USP37: variants seen among roughly 807,000 people sequenced by gnomAD.
USP37 encodes the protein ubiquitin carboxyl-terminal hydrolase 37.
A neutral mutation model predicts 124.0 loss-of-function variants in USP37; 27 were observed. The ratio of observed to expected loss-of-function variants is 0.22; its 90% CI spans 0.16 to 0.30. The LOEUF is 0.30. USP37 is among the 10% of genes least tolerant of loss of function. The pLI is 1.00. For synonymous variants in USP37, 365 were observed against 388.0 expected (o/e 0.94, Z 0.70); for missense variants, 889 against 1,140.4 (o/e 0.78, Z 3.17).
At chr2:218,461,762 T>G (rs1048684720) in intron 22 of USP37, among the ~76,000 whole-genome samples, 1 of 152,068 alleles carries the variant, frequency 6.6e-6, no homozygotes, top group Middle Eastern at 3.4e-3. Flanking sequence ...TCCTAGGACT[T>G]TGGGAGGCCG....
intron 8 of USP37, among the ~76,000 whole-genome samples, chr2:218,537,202 G>A (rs1346881321): frequency 1.3e-5 from 2 of 152,138 alleles, no homozygotes; most frequent in Non-Finnish European, 2.9e-5. Context: ...AATAAATTCA[G>A]TCTATTTCTT....
At chr2:218,504,944 T>C (rs1392667379) in intron 11 of USP37, among the ~76,000 whole-genome samples, 1 of 152,180 alleles carries the variant, frequency 6.6e-6, no homozygotes, top group Non-Finnish European at 1.5e-5. Flanking sequence ...AACAGTCAAC[T>C]ACATTATTCT....
At chr2:218,500,421 G>A (rs763131376) in intron 11 of USP37, among the ~76,000 whole-genome samples, 30 of 152,000 alleles carry the variant, frequency 2.0e-4, no homozygotes, top group Non-Finnish European at 1.5e-4. Context: ...CACCAGGCCT[G>A]GCTAATTTTT....
At chr2:218,547,251 C>T (rs1692384603) in intron 6 of USP37, among the ~76,000 whole-genome samples, 160 bp from the exon 7 acceptor site, 1 of 152,138 alleles carries the variant, frequency 6.6e-6, no homozygotes, top group Non-Finnish European at 1.5e-5. Flanking sequence ...ATCACTTGAG[C>T]TCAATAGTTT....
Position 218,499,853 on chromosome 2 carries a change from C to A in USP37, c.1026-1696G>T, listed in dbSNP as rs545866340. Among the ~76,000 whole-genome samples the A allele has an allele frequency of 7.2e-5, 11 of 152,178 alleles. No homozygotes were observed. The East Asian group carries it at 1.9e-3, about 27-fold the overall frequency. ...CTGGAGTGCAGTGGTGTGATGACAA[C>A]GTACTGCAGCCTCAACCTCCCGGGC... On this transcript the variant is annotated intron_variant, in intron 11 of 25. Transcript: ENST00000258399.
At chr2:218,566,316 G>T (rs1030949563) in intron 1 of USP37, among the ~76,000 whole-genome samples, 1 of 152,200 alleles carries the variant, frequency 6.6e-6, no homozygotes, top group African/African-American at 2.4e-5. Context: ...TGTGGCTACA[G>T]TTTAGTGAAG....
At chr2:218,498,192 C>G (rs749987768) in intron 11 of USP37, 35 bp from the exon 12 acceptor site, 3 of 1,553,064 alleles carry the variant, frequency 1.9e-6, no homozygotes, top group Middle Eastern at 2.1e-4. Flanking sequence ...TAGAAGGCAA[C>G]AGGAATTCCT....
intron 20 of USP37, among the ~76,000 whole-genome samples, chr2:218,471,026 A>C (rs1025367001): frequency 1.3e-5 from 2 of 152,226 alleles, no homozygotes; most frequent in African/African-American, 4.8e-5. Flanking sequence ...ATGGAGACTG[A>C]GAAAACAAAT....
chr2:218,536,477 A>C (rs1253888090), intron 8 of USP37, among the ~76,000 whole-genome samples: 1 of 152,198 alleles, frequency 6.6e-6, no homozygotes, highest in Non-Finnish European at 1.5e-5. Context: ...AGAGTCACAA[A>C]CAAGGCCGGG....
At chr2:218,470,090 G>T (rs527903935) in intron 20 of USP37, among the ~76,000 whole-genome samples, 1 of 152,042 alleles carries the variant, frequency 6.6e-6, no homozygotes, top group Non-Finnish European at 1.5e-5. Flanking sequence ...AAAGTGCTGG[G>T]ATTACAGGCG....
chr2:218,475,154 C>T (rs1450719983), intron 19 of USP37, among the ~76,000 whole-genome samples: 1 of 151,896 alleles, frequency 6.6e-6, no homozygotes, highest in Non-Finnish European at 1.5e-5. Flanking sequence ...AAAATAAATT[C>T]ATTCAAAATA....
intron 20 of USP37, among the ~76,000 whole-genome samples, chr2:218,470,245 G>C (rs572112437): frequency 6.6e-6 from 1 of 152,206 alleles, no homozygotes; most frequent in South Asian, 2.1e-4. Flanking sequence ...TCTTTTAAAA[G>C]ACAGATATCT....
intron 5 of USP37, among the ~76,000 whole-genome samples, chr2:218,553,210 G>A (rs1692763366): frequency 6.6e-6 from 1 of 152,196 alleles, no homozygotes; most frequent in Non-Finnish European, 1.5e-5. Flanking sequence ...TACGATGTTA[G>A]CTGTAAGTTG....
intron 24 of USP37, among the ~76,000 whole-genome samples, chr2:218,456,461 G>GA (rs570569201): frequency 1.4e-3 from 163 of 115,746 alleles, no homozygotes; most frequent in Middle Eastern, 0.013. Flanking sequence ...CCTGTCTCTT[G>GA]AAAAAAAAAA....
intron 10 of USP37, among the ~76,000 whole-genome samples, chr2:218,523,387 T>C (rs1021796777): frequency 2.0e-5 from 3 of 152,254 alleles, no homozygotes; most frequent in Non-Finnish European, 4.4e-5. Flanking sequence ...CTTTTGTGCA[T>C]TATATCAGCA....
intron 10 of USP37, among the ~76,000 whole-genome samples, chr2:218,517,728 T>C (rs1332371130): frequency 6.6e-6 from 1 of 152,248 alleles, no homozygotes; most frequent in South Asian, 2.1e-4. Context: ...TTCATTAGGC[T>C]TCTTAATTCT....
intron 10 of USP37, among the ~76,000 whole-genome samples, chr2:218,526,951 G>C (rs976121116): frequency 1.3e-5 from 2 of 151,728 alleles, no homozygotes; most frequent in Non-Finnish European, 2.9e-5. Context: ...ACCACGCCCG[G>C]CTAATTTTTT....
In USP37 at chr2:218,479,320, T is replaced by C. The variant is rs575638520; in HGVS notation, c.1901+330A>G. ...GAGTGCTTTAGACTAATAGGGGTTA[T>C]TTTATCCCTTAAATCCCTAGACTCC... On this transcript the variant is annotated intron_variant, in intron 18 of 25. Coordinates refer to ENST00000258399, the MANE Select transcript of USP37 (RefSeq NM_020935.3). Among the ~76,000 whole-genome samples the C allele has an allele frequency of 1.4e-4, 21 of 152,336 alleles. No homozygotes were observed. The South Asian group carries it at 1.4e-3, about 11-fold the overall frequency.
chr2:218,554,244 T>G (rs1445462273), intron 4 of USP37, among the ~76,000 whole-genome samples: 1 of 152,234 alleles, frequency 6.6e-6, no homozygotes, highest in Non-Finnish European at 1.5e-5. Context: ...TAGTTTCATT[T>G]CTTAGTCACA....
Sources: allele counts gnomAD v4.1 joint callset (sites outside exome capture counted in the v4.1 genomes callset), GRCh38; gene constraint gnomAD v4.1.1; transcripts MANE v1.5; gene names NCBI Gene and HGNC (gene_info 2026-07-23, HGNC 2026-07-21).